Variants in DSTYK observed in about 807,000 individuals in gnomAD.
DSTYK encodes the protein RIP-homologous kinase.
In DSTYK, 34 loss-of-function variants were observed where a neutral mutation model predicts 98.7. The ratio of observed to expected loss-of-function variants is 0.34; its 90% CI spans 0.26 to 0.46. The LOEUF is 0.46. Among genes scored for constraint, DSTYK ranks in the 20% least tolerant of loss-of-function variants. The pLI is 1.00. For synonymous variants in DSTYK, 462 were observed against 457.3 expected (o/e 1.01, Z -0.13); for missense variants, 962 against 1,181.7 (o/e 0.81, Z 2.73).
chr1:205,196,988 C>G (rs1658886386), intron 1 of DSTYK, among the ~76,000 whole-genome samples: 2 of 151,714 alleles, frequency 1.3e-5, no homozygotes, highest in Admixed American at 6.6e-5. Context: ...TGGTCTTGAA[C>G]TCCTGATTTC....
intron 2 of DSTYK, among the ~76,000 whole-genome samples, chr1:205,183,209 G>T (rs958841727): frequency 6.6e-6 from 1 of 152,132 alleles, no homozygotes; most frequent in Non-Finnish European, 1.5e-5. Context: ...TGAAGGAAAG[G>T]CAGGAGGGTG....
chr1:205,179,995 A>T (rs568337803), intron 2 of DSTYK, among the ~76,000 whole-genome samples: 8 of 152,290 alleles, frequency 5.3e-5, no homozygotes, highest in African/African-American at 1.9e-4. Context: ...CAAAAGAAGA[A>T]GATTAAGACT....
Position 205,162,093 on chromosome 1 carries a change from G to T in DSTYK, c.1761C>A (p.Ser587Arg), listed in dbSNP as rs755505835. 1 of 1,613,986 alleles carries T rather than the reference G, an allele frequency of 6.2e-7. No individual in the cohort carries two copies. Reference protein sequence around the residue: ...SASKLAKSICSQFRTRLNSSH... With the variant: ...SASKLAKSICRQFRTRLNSSH... ...AACTATTGAGCCGAGTCCGGAATTGGCTGCAAATGCTCTTAGCCAATTTGG... is the reference window on the plus strand; with the variant it reads ...AACTATTGAGCCGAGTCCGGAATTGTCTGCAAATGCTCTTAGCCAATTTGG... The change falls in exon 6 of 13, where the codon AGC (serine) becomes AGA (arginine). Residue 587 changes from serine to arginine, a missense_variant. This residue lies in a region of DSTYK where 660 missense variants were observed against 855.0 expected (regional missense o/e 0.77). Coordinates refer to ENST00000367162, the MANE Select transcript of DSTYK (RefSeq NM_015375.3).
At chr1:205,207,322 A>G (rs1255742860) in intron 1 of DSTYK, among the ~76,000 whole-genome samples, 2 of 149,380 alleles carry the variant, frequency 1.3e-5, no homozygotes, top group African/African-American at 2.5e-5. Context: ...TGAGTGATCC[A>G]CCTGCCTCGG....
At chr1:205,208,369 T>A (rs1659269189) in intron 1 of DSTYK, among the ~76,000 whole-genome samples, 1 of 152,190 alleles carries the variant, frequency 6.6e-6, no homozygotes, top group Non-Finnish European at 1.5e-5. Context: ...ATGAAAATTG[T>A]TTTACTATTG....
chr1:205,150,000 G>A (rs1472814373), intron 11 of DSTYK, among the ~76,000 whole-genome samples: 1 of 152,122 alleles, frequency 6.6e-6, no homozygotes, highest in Non-Finnish European at 1.5e-5. Context: ...CAATGGTTTT[G>A]GGAGTAGGTT....
intron 1 of DSTYK, among the ~76,000 whole-genome samples, chr1:205,198,047 G>A (rs1353291851): frequency 1.3e-5 from 2 of 152,258 alleles, no homozygotes; most frequent in Admixed American, 6.5e-5. Flanking sequence ...TACAGAATTA[G>A]CTGGGCGTGG....
chr1:205,187,270 A>T (rs186533076), intron 2 of DSTYK, 148 bp downstream of exon 2: 1 of 950,086 alleles, frequency 1.1e-6, no homozygotes, highest in Non-Finnish European at 1.5e-6. Context: ...TTGTTTTTCA[A>T]CTTCCCAGAT....
At chr1:205,196,169 A>G (rs950586507) in intron 1 of DSTYK, among the ~76,000 whole-genome samples, 7 of 152,202 alleles carry the variant, frequency 4.6e-5, no homozygotes, top group African/African-American at 1.4e-4. Flanking sequence ...GAAAAAATTC[A>G]CAAGTCTACA....
intron 2 of DSTYK, among the ~76,000 whole-genome samples, chr1:205,172,855 G>A (rs1374098648): frequency 6.6e-6 from 1 of 152,066 alleles, no homozygotes; most frequent in Non-Finnish European, 1.5e-5. Flanking sequence ...TGTTTCATCT[G>A]TGTCTCAAGT....
chr1:205,186,272 T>C (rs1658555494), intron 2 of DSTYK, among the ~76,000 whole-genome samples: 1 of 152,166 alleles, frequency 6.6e-6, no homozygotes, highest in Non-Finnish European at 1.5e-5. Context: ...AGCTAGGAAA[T>C]GTGAACTCTC....
At chr1:205,162,803 G>C in intron 5 of DSTYK, 120 bp downstream of exon 5, 1 of 779,386 alleles carries the variant, frequency 1.3e-6, no homozygotes, top group South Asian at 1.5e-5. Context: ...AGGCAAACCA[G>C]AACAAATGGT....
At chr1:205,198,109 C>A (rs1469404606) in intron 1 of DSTYK, among the ~76,000 whole-genome samples, 3 of 152,086 alleles carry the variant, frequency 2.0e-5, no homozygotes, top group African/African-American at 7.2e-5. Context: ...AGAAGAATCG[C>A]TTGAACCCGG....
At chr1:205,158,817 T>G (rs1481988149) in intron 9 of DSTYK, among the ~76,000 whole-genome samples, 2 of 152,224 alleles carry the variant, frequency 1.3e-5, no homozygotes, top group Non-Finnish European at 2.9e-5. Flanking sequence ...CTCTTAATAG[T>G]GCCTGTCAAT....
rs545919986 is a variant in DSTYK at position 205,163,227 on chromosome 1, T to A, written c.1558-221A>T. ...CATCAACTTATTTTTTTATTTTTTT[T>A]TTTATTTTTTAGACAGAGTTTCACT... On this transcript the variant is annotated intron_variant, in intron 4 of 12. Transcript: ENST00000367162. Among the ~76,000 whole-genome samples, 4 of 152,002 alleles carry A rather than the reference T, an allele frequency of 2.6e-5. No individual in the cohort carries two copies. In the South Asian group the frequency reaches 8.3e-4, roughly 32 times the overall value.
intron 1 of DSTYK, among the ~76,000 whole-genome samples, chr1:205,190,770 C>T (rs921301742): frequency 6.6e-6 from 1 of 152,146 alleles, no homozygotes; most frequent in Non-Finnish European, 1.5e-5. Flanking sequence ...CCTGTCCTCC[C>T]CAGATTTTCA....
At chr1:205,198,251 T>C (rs1658925964) in intron 1 of DSTYK, among the ~76,000 whole-genome samples, 1 of 152,188 alleles carries the variant, frequency 6.6e-6, no homozygotes, top group Non-Finnish European at 1.5e-5. Flanking sequence ...ACTTTGATTT[T>C]GCACTGCCTG....
At chr1:205,157,120 G>C (rs1205306227) in intron 10 of DSTYK, among the ~76,000 whole-genome samples, 153 bp downstream of exon 10, 2 of 152,170 alleles carry the variant, frequency 1.3e-5, no homozygotes. Flanking sequence ...AAATTACCCA[G>C]TCTTAGGTAT....
At chr1:205,154,406 T>C (rs10900455) in intron 10 of DSTYK, among the ~76,000 whole-genome samples, 76,722 of 151,654 alleles carry the variant, frequency 0.51, 21,811 homozygotes, top group Non-Finnish European at 0.64. Flanking sequence ...AGGTAAGGGG[T>C]TTTTCCCCCC....
Sources: allele counts gnomAD v4.1 joint callset (sites outside exome capture counted in the v4.1 genomes callset), GRCh38; gene constraint gnomAD v4.1.1; regional missense constraint gnomAD v4.1.1; transcripts MANE v1.5; gene names NCBI Gene and HGNC (gene_info 2026-07-23, HGNC 2026-07-21).